Variants in AMMECR1 observed in about 807,000 individuals in gnomAD.
The protein encoded by AMMECR1 is nuclear protein AMMECR1.
In AMMECR1, 3 loss-of-function variants were observed where a neutral mutation model predicts 22.5. That is an observed-to-expected ratio of 0.13 (90% confidence interval 0.06 to 0.35). The LOEUF is 0.35. Among genes scored for constraint, AMMECR1 ranks in the 10% least tolerant of loss-of-function variants. The pLI, the probability that AMMECR1 is intolerant of heterozygous loss-of-function variation, is 1.00. For missense variants in AMMECR1, 235 were observed against 278.7 expected (o/e 0.84, Z 1.12); for synonymous variants, 130 against 116.7 (o/e 1.11, Z -0.74).
In AMMECR1 at chrX:110,317,854, G is replaced by C. The variant is rs778887966; in HGVS notation, c.218C>G (p.Pro73Arg). Reference protein sequence around the residue: ...GSGSGCTLSPPQGCGGGGGGI... With the variant: ...GSGSGCTLSPRQGCGGGGGGI... ...CCCGCCGCCGCCGCCGCAGCCCTGG[G>C]GGGGAGAGAGGGTACAGCCGCTGCC... is the stretch of plus-strand genomic sequence containing the variant. The change falls in exon 1 of 6, where the codon CCC (proline) becomes CGC (arginine). Residue 73 changes from proline (P) to arginine (R), a missense_variant. Physicochemically the swap from Pro to Arg is moderately radical, Grantham distance 103 (BLOSUM62 -2). Coordinates refer to ENST00000262844, the MANE Select transcript of AMMECR1 (RefSeq NM_015365.3). 4.5e-5 allele frequency: 53 copies of C among 1,172,671 alleles called. No individual in the cohort carries two copies. Among genetic ancestry groups the C allele is most frequent in the Admixed American group, 4.5e-4 (19 of 42,147 alleles).
At chrX:110,406,403 A>G (rs2068602334) in intron 2 of AMMECR1, among the ~76,000 whole-genome samples, 1 of 111,604 alleles carries the variant, frequency 9.0e-6, no homozygotes, top group Non-Finnish European at 1.9e-5. Context: ...GATGGTTTCC[A>G]GCTTCATCCA....
At chrX:110,354,918 C>T (rs1168518963) in intron 2 of AMMECR1, among the ~76,000 whole-genome samples, 2 of 111,778 alleles carry the variant, frequency 1.8e-5, no homozygotes, top group Non-Finnish European at 1.9e-5. Flanking sequence ...CAGCATTGGT[C>T]TGGACAATGA....
intron 2 of AMMECR1, among the ~76,000 whole-genome samples, chrX:110,340,361 G>A (rs1369644256): frequency 8.9e-6 from 1 of 112,001 alleles, no homozygotes; most frequent in Non-Finnish European, 1.9e-5. Context: ...TAGAAACTCA[G>A]TCTCTCCCTA....
intron 2 of AMMECR1, among the ~76,000 whole-genome samples, chrX:110,354,472 G>A (rs1039383826): frequency 9.8e-5 from 11 of 112,134 alleles, no homozygotes; most frequent in Non-Finnish European, 2.1e-4. Flanking sequence ...AAGTAGGCAC[G>A]AGGATGTGCA....
intron 2 of AMMECR1, among the ~76,000 whole-genome samples, chrX:110,259,347 T>C (rs1487398608): frequency 9.0e-6 from 1 of 111,726 alleles, no homozygotes; most frequent in Admixed American, 9.5e-5. Context: ...AATCAAGTTC[T>C]AGAACTGCCA....
intron 1 of AMMECR1, among the ~76,000 whole-genome samples, chrX:110,281,543 C>T (rs1280753853): frequency 5.4e-5 from 6 of 111,980 alleles, no homozygotes; most frequent in African/African-American, 2.0e-4. Flanking sequence ...GTGCTTTATT[C>T]CTAACAGGCT....
At chrX:110,230,846 T>C (rs770065692) in intron 2 of AMMECR1, among the ~76,000 whole-genome samples, 1 of 112,064 alleles carries the variant, frequency 8.9e-6, no homozygotes, top group South Asian at 3.7e-4. Flanking sequence ...AGTGACATGA[T>C]GGAGCTGAAA....
At chrX:110,427,710 A>G (rs1192804101) in intron 1 of AMMECR1, among the ~76,000 whole-genome samples, 1 of 112,435 alleles carries the variant, frequency 8.9e-6, no homozygotes, top group Non-Finnish European at 1.9e-5. Context: ...GATGAAGTCC[A>G]AACTCCTTAG....
At chrX:110,262,024 T>C (rs956611584) in intron 2 of AMMECR1, among the ~76,000 whole-genome samples, 5 of 111,535 alleles carry the variant, frequency 4.5e-5, no homozygotes, top group Non-Finnish European at 9.4e-5. Flanking sequence ...ATGTCTGACA[T>C]AGTAAATTCT....
At chrX:110,313,282 T>G (rs2068032577) in intron 1 of AMMECR1, among the ~76,000 whole-genome samples, 1 of 112,314 alleles carries the variant, frequency 8.9e-6, no homozygotes, top group African/African-American at 3.2e-5. Context: ...AATTGCAATT[T>G]AAAACCACAC....
chrX:110,232,785 G>A (rs2067575144), intron 2 of AMMECR1, among the ~76,000 whole-genome samples: 1 of 106,024 alleles, frequency 9.4e-6, no homozygotes, highest in Admixed American at 1.0e-4. Context: ...AGCTACTTGG[G>A]AGGCTGAGGC....
chrX:110,408,570 C>T (rs970493061), intron 2 of AMMECR1, among the ~76,000 whole-genome samples: 9 of 112,159 alleles, frequency 8.0e-5, no homozygotes, highest in Admixed American at 2.8e-4. Context: ...TCCCCTGCCC[C>T]GACCCCACAG....
intron 2 of AMMECR1, among the ~76,000 whole-genome samples, chrX:110,423,452 G>A (rs942318513): frequency 8.9e-6 from 1 of 112,225 alleles, no homozygotes; most frequent in Admixed American, 9.4e-5. Context: ...TTCTCTGCTA[G>A]GGTTAATTGC....
chrX:110,405,100 C>G (rs1016815907), intron 2 of AMMECR1, among the ~76,000 whole-genome samples: 26 of 100,220 alleles, frequency 2.6e-4, no homozygotes, highest in Non-Finnish European at 3.4e-4. Context: ...CCCCCCCCCC[C>G]CAAGCATGAG....
chrX:110,228,929 T>C (rs761154218), intron 2 of AMMECR1, among the ~76,000 whole-genome samples: 4 of 112,503 alleles, frequency 3.6e-5, no homozygotes, highest in African/African-American at 1.3e-4. Flanking sequence ...GAGTATTTGG[T>C]TCTCTTTTAT....
intron 2 of AMMECR1, among the ~76,000 whole-genome samples, chrX:110,229,044 G>A (rs1357667595): frequency 1.8e-5 from 2 of 112,242 alleles, no homozygotes; most frequent in Non-Finnish European, 3.8e-5. Flanking sequence ...CTCAACATTC[G>A]TTTTCAAGTA....
At chrX:110,391,877 G>T (rs1407659984) in intron 2 of AMMECR1, among the ~76,000 whole-genome samples, 1 of 111,926 alleles carries the variant, frequency 8.9e-6, no homozygotes, top group African/African-American at 3.3e-5. Flanking sequence ...CACATAGCCA[G>T]ATTTCATCCC....
chrX:110,406,443 T>G (rs2068602752), intron 2 of AMMECR1, among the ~76,000 whole-genome samples: 1 of 112,130 alleles, frequency 8.9e-6, no homozygotes, highest in South Asian at 3.7e-4. Context: ...AACTCATTCT[T>G]TTTTATGGCT....
chrX:110,356,251 C>A (rs1343399409), intron 2 of AMMECR1, among the ~76,000 whole-genome samples: 9 of 104,925 alleles, frequency 8.6e-5, no homozygotes, highest in Non-Finnish European at 1.9e-5. Flanking sequence ...CTCCTGGGTT[C>A]AAGTGAGTCT....
Sources: allele counts gnomAD v4.1 joint callset (sites outside exome capture counted in the v4.1 genomes callset), GRCh38; gene constraint gnomAD v4.1.1; transcripts MANE v1.5; gene names NCBI Gene and HGNC (gene_info 2026-07-23, HGNC 2026-07-21).